PRDM5: variants seen among roughly 807,000 people sequenced by gnomAD.
PRDM5 encodes the protein PR/SET domain 5.
Under a neutral mutation model 81.2 loss-of-function variants are expected in PRDM5, and 56 were observed. That is an observed-to-expected ratio of 0.69 (90% CI 0.56 to 0.86). The LOEUF (loss-of-function observed/expected upper bound fraction) is 0.86, where lower values mean the gene tolerates loss of function less well. Among genes scored for constraint, PRDM5 ranks in the 40% least tolerant of loss-of-function variants. The pLI, the probability that PRDM5 is intolerant of heterozygous loss-of-function variation, is 0.00. For synonymous variants in PRDM5, 267 were observed against 256.4 expected, an observed-to-expected ratio of 1.04 and a Z score of -0.39; for missense variants, 697 against 770.1, an observed-to-expected ratio of 0.91 and a Z score of 1.12.
intron 3 of PRDM5, chr4:120,839,035 C>T: frequency 3.5e-6 from 2 of 566,428 alleles, no homozygotes; most frequent in Non-Finnish European, 3.2e-6. Flanking sequence ...AAGTAGCTTC[C>T]ACAGCTGACA....
intron 2 of PRDM5, among the ~76,000 whole-genome samples, chr4:120,870,031 G>A (rs1761611487): frequency 6.6e-6 from 1 of 152,048 alleles, no homozygotes; most frequent in South Asian, 2.1e-4. Flanking sequence ...AGGAAGAATA[G>A]GAGAGGAGGA....
intron 15 of PRDM5, among the ~76,000 whole-genome samples, chr4:120,709,278 A>G (rs1050499853): frequency 1.3e-5 from 2 of 152,216 alleles, no homozygotes; most frequent in Non-Finnish European, 1.5e-5. Flanking sequence ...AAAAGCAGCA[A>G]TGACTTAAAC....
At chr4:120,850,915 T>C (rs555812091) in intron 3 of PRDM5, among the ~76,000 whole-genome samples, 2 of 152,250 alleles carry the variant, frequency 1.3e-5, no homozygotes, top group South Asian at 2.1e-4. Flanking sequence ...GTGCCTACAA[T>C]ATGATAACAT....
chr4:120,724,355 T>A (rs1739091507), intron 14 of PRDM5, among the ~76,000 whole-genome samples: 2 of 152,114 alleles, frequency 1.3e-5, no homozygotes, highest in Admixed American at 6.6e-5. Flanking sequence ...GTAGATCAAG[T>A]TGAGGTGCAC....
At chr4:120,718,234 G>A (rs1738081925) in intron 14 of PRDM5, among the ~76,000 whole-genome samples, 1 of 152,130 alleles carries the variant, frequency 6.6e-6, no homozygotes, top group Admixed American at 6.6e-5. Flanking sequence ...GACCAACCTG[G>A]ATTTCATATA....
chr4:120,803,484 C>T (rs895748635), intron 8 of PRDM5, among the ~76,000 whole-genome samples: 2 of 152,156 alleles, frequency 1.3e-5, no homozygotes, highest in African/African-American at 4.8e-5. Flanking sequence ...GAAAGGAAAG[C>T]CCATCAGACT....
intron 2 of PRDM5, among the ~76,000 whole-genome samples, chr4:120,875,388 G>A (rs1762242960): frequency 6.6e-6 from 1 of 152,260 alleles, no homozygotes; most frequent in Admixed American, 6.5e-5. Flanking sequence ...GTCTGCACTA[G>A]CTGTTGAATT....
chr4:120,899,063 C>T (rs1453226891), intron 2 of PRDM5, among the ~76,000 whole-genome samples: 1 of 152,182 alleles, frequency 6.6e-6, no homozygotes. Context: ...CTTACTTCCT[C>T]CTCCATGAGA....
chr4:120,843,900 A>G (rs1228385340), intron 3 of PRDM5, among the ~76,000 whole-genome samples: 1 of 152,128 alleles, frequency 6.6e-6, no homozygotes, highest in Non-Finnish European at 1.5e-5. Context: ...TCTTGTGTCT[A>G]TAAAGTCTTT....
chr4:120,727,421 C>T (rs754460612), intron 14 of PRDM5, among the ~76,000 whole-genome samples: 8 of 152,074 alleles, frequency 5.3e-5, no homozygotes, highest in Non-Finnish European at 1.0e-4. Flanking sequence ...CCTGGGAAAG[C>T]CTCTAGAACT....
chr4:120,727,416 G>A (rs952407816), intron 14 of PRDM5, among the ~76,000 whole-genome samples: 1 of 152,144 alleles, frequency 6.6e-6, no homozygotes, highest in Non-Finnish European at 1.5e-5. Flanking sequence ...CTAGTCCTGG[G>A]AAAGCCTCTA....
intron 2 of PRDM5, among the ~76,000 whole-genome samples, chr4:120,893,553 A>C (rs186172446): frequency 1.3e-5 from 2 of 152,150 alleles, no homozygotes; most frequent in East Asian, 1.9e-4. Flanking sequence ...TACTTGACCA[A>C]CTGTCACTGG....
intron 14 of PRDM5, among the ~76,000 whole-genome samples, chr4:120,747,282 T>G (rs1743254149): frequency 1.0e-5 from 1 of 99,752 alleles, no homozygotes; most frequent in Non-Finnish European, 1.9e-5. Context: ...TGGGGACTGT[T>G]GTGGGGTGGG....
At chr4:120,887,317 G>A (rs896667968) in intron 2 of PRDM5, among the ~76,000 whole-genome samples, 5 of 152,068 alleles carry the variant, frequency 3.3e-5, no homozygotes, top group African/African-American at 1.2e-4. Flanking sequence ...ACAACTGGAA[G>A]CCAACCACTT....
intron 14 of PRDM5, among the ~76,000 whole-genome samples, chr4:120,735,137 G>A (rs1054068349): frequency 3.9e-5 from 6 of 152,324 alleles, no homozygotes; most frequent in African/African-American, 1.4e-4. Context: ...ATTGTTAAGT[G>A]AAGTTAAATA....
chr4:120,880,935 T>G (rs1295085907), intron 2 of PRDM5, among the ~76,000 whole-genome samples: 1 of 152,096 alleles, frequency 6.6e-6, no homozygotes, highest in African/African-American at 2.4e-5. Context: ...CAACGAAATA[T>G]TGTATAAATT....
At chr4:120,741,501 T>C (rs1287863260) in intron 14 of PRDM5, among the ~76,000 whole-genome samples, 2 of 151,464 alleles carry the variant, frequency 1.3e-5, no homozygotes, top group Non-Finnish European at 2.9e-5. Flanking sequence ...ATTACTGCAT[T>C]TCCATCTGAG....
intron 15 of PRDM5, among the ~76,000 whole-genome samples, chr4:120,703,231 G>C (rs1438413510): frequency 6.6e-6 from 1 of 152,006 alleles, no homozygotes; most frequent in Non-Finnish European, 1.5e-5. Flanking sequence ...TGTCACCCAG[G>C]CTGGAGTGCA....
At chr4:120,752,184 T>C (rs907055625) in intron 14 of PRDM5, among the ~76,000 whole-genome samples, 2 of 152,238 alleles carry the variant, frequency 1.3e-5, no homozygotes, top group African/African-American at 4.8e-5. Context: ...TACTAGCTGA[T>C]AACCTTAGTA....
Sources: gnomAD v4.1 joint callset for allele counts (sites outside exome capture counted in the v4.1 genomes callset) on GRCh38, gnomAD v4.1.1 for gene constraint, MANE v1.5 for transcripts, NCBI Gene and HGNC (gene_info 2026-07-23, HGNC 2026-07-21) for gene names.